UBOX5: variants seen among roughly 807,000 people sequenced by gnomAD.
The protein encoded by UBOX5 is U-box domain containing 5, also known as RING finger protein 37.
A neutral mutation model predicts 39.0 loss-of-function variants in UBOX5; 28 were observed. The ratio of observed to expected loss-of-function variants is 0.72; its 90% CI spans 0.53 to 0.98. The LOEUF is 0.98. Among genes scored for constraint, UBOX5 ranks in the 50% least tolerant of loss-of-function variants. The probability of loss-of-function intolerance (pLI) is 0.00; values close to 1 mark genes in which losing one functional copy is unlikely to be tolerated. For missense variants in UBOX5, 585 were observed against 674.4 expected, an observed-to-expected ratio of 0.87 and a Z score of 1.47; for synonymous variants, 283 against 275.5, an observed-to-expected ratio of 1.03 and a Z score of -0.27.
chr20:3,133,559 G>GA (rs145750022), intron 1 of UBOX5, among the ~76,000 whole-genome samples: 2,575 of 145,942 alleles, frequency 0.018, 22 homozygotes, highest in South Asian at 0.06. Context: ...CAGTTTATAA[G>GA]AAAAAAAAAA....
At chr20:3,137,587 A>G (rs923560183) in intron 1 of UBOX5, among the ~76,000 whole-genome samples, 4 of 152,188 alleles carry the variant, frequency 2.6e-5, no homozygotes, top group Non-Finnish European at 5.9e-5. Flanking sequence ...TTGCATAGCT[A>G]TACTAGAACT....
In UBOX5 at chr20:3,157,902, T is replaced by C. The variant is rs2066704003; in HGVS notation, c.-42+1864A>G. 2.6e-5 allele frequency among the ~76,000 whole-genome samples: 4 copies of C among 152,088 alleles called. 1 individual carries two copies. The South Asian group carries it at 8.3e-4, about 32-fold the overall frequency. On this transcript the variant is annotated intron_variant, in intron 1 of 4. Coordinates refer to ENST00000217173, the MANE Select transcript of UBOX5 (RefSeq NM_014948.4). ...TAAAGAAGGAGTTTCAGAATTCTTT[T>C]GTTTTTTTTTTCAGACAGGGTCTCG...
At chr20:3,151,962 A>T (rs941596784) in intron 1 of UBOX5, 2 of 151,650 alleles carry the variant, frequency 1.3e-5, no homozygotes, top group African/African-American at 4.8e-5. Context: ...AAAATTAGCC[A>T]GGTGTGGTGG....
At chr20:3,112,760 T>G (rs1464802256) in intron 4 of UBOX5, among the ~76,000 whole-genome samples, 1 of 151,632 alleles carries the variant, frequency 6.6e-6, no homozygotes, top group Non-Finnish European at 1.5e-5. Context: ...AGGTCAGGAG[T>G]TCGAGACCAG....
At chr20:3,159,216 G>A (rs1005340131) in intron 1 of UBOX5, among the ~76,000 whole-genome samples, 4 of 152,200 alleles carry the variant, frequency 2.6e-5, no homozygotes, top group African/African-American at 9.6e-5. Context: ...TAAAAATGGG[G>A]GGAAGGTATA....
rs114391394 is a variant in UBOX5, at chr20:3,110,852, A to G, written c.1418-538T>C. The G allele has an allele frequency of 1.9e-3, 320 of 167,602 alleles. 1 individual carries two copies. Among genetic ancestry groups the G allele is most frequent in the African/African-American group, 7.1e-3 (296 of 41,680 alleles). 10.4% of individuals were successfully genotyped at this position (167,602 alleles called of 1,614,324 possible). A position where few individuals can be genotyped will look rare whatever the true frequency, so the allele number is the denominator to read the frequency against. On this transcript the variant is annotated intron_variant, in intron 4 of 4. Coordinates refer to ENST00000217173, the MANE Select transcript of UBOX5 (RefSeq NM_014948.4). ...GTCTCTACAAAAAAGAAAAAAAAAA[A>G]AAAAGGAAAAGCAGCACATGGTCCA...
At chr20:3,128,920 T>C (rs2066409853) in intron 1 of UBOX5, among the ~76,000 whole-genome samples, 1 of 152,228 alleles carries the variant, frequency 6.6e-6, no homozygotes, top group Non-Finnish European at 1.5e-5. Flanking sequence ...TATTATGCTC[T>C]ATGATATAGA....
chr20:3,107,628 G>A lies in UBOX5; in HGVS notation c.*2478C>T, dbSNP rs2066221076. 1 of 152,202 alleles carries A rather than the reference G, an allele frequency of 6.6e-6. No homozygotes were observed. Among genetic ancestry groups the A allele is most frequent in the Admixed American group, 6.5e-5 (1 of 15,286 alleles). The allele number at this position is 152,202 out of a possible 1,614,324, so 9.4% of individuals were successfully genotyped here. On this transcript the variant is annotated 3_prime_UTR_variant, in exon 5 of 5. Coordinates refer to ENST00000217173, the MANE Select transcript of UBOX5 (RefSeq NM_014948.4). This position sits in a 1 kb window ranked among gnomAD's most constrained non-coding sequence, Gnocchi z 5.0. ...CTAGGGGACAGAAACAGAGCCCAGTGGTGCCTAGCATGTTTCTGGCAAGGG... is the reference window on the plus strand; with the variant it reads ...CTAGGGGACAGAAACAGAGCCCAGTAGTGCCTAGCATGTTTCTGGCAAGGG...
chr20:3,131,796 G>A (rs948954891), intron 1 of UBOX5, among the ~76,000 whole-genome samples: 4 of 151,988 alleles, frequency 2.6e-5, no homozygotes, highest in African/African-American at 9.7e-5. Flanking sequence ...AGCACTTGAG[G>A]TCAGGAGTTC....
rs529915945 is a variant in UBOX5, at chr20:3,109,807, C to G, written c.*299G>C. ...GGGGTATGCGGACTGCACGGGGGGG[C>G]CCTCAGCAGGGGTCTTCCTGCCTAG... On this transcript the variant is annotated 3_prime_UTR_variant, in exon 5 of 5. Coordinates refer to ENST00000217173, the MANE Select transcript of UBOX5 (RefSeq NM_014948.4). 453 of 458,940 alleles carry G rather than the reference C, an allele frequency of 9.9e-4. 2 individuals carry two copies. Among genetic ancestry groups the G allele is most frequent in the African/African-American group, 5.2e-3 (263 of 50,452 alleles). The allele number at this position is 458,940 out of a possible 1,614,324, so 28.4% of individuals were successfully genotyped here. A position where few individuals can be genotyped will look rare whatever the true frequency, so the allele number is the denominator to read the frequency against.
intron 3 of UBOX5, among the ~76,000 whole-genome samples, chr20:3,117,289 AC>A (rs2066301079): frequency 3.0e-4 from 2 of 6,658 alleles, no homozygotes; most frequent in Non-Finnish European, 6.8e-3. Context: ...CAAAGATGGC[AC>A]ACACACACAC....
chr20:3,124,035 T>C (rs2148596647), intron 1 of UBOX5, among the ~76,000 whole-genome samples: 1 of 152,104 alleles, frequency 6.6e-6, no homozygotes, highest in South Asian at 2.1e-4. Context: ...ACCCCATCTC[T>C]ACAACAAAAC....
chr20:3,121,938 C>T lies in UBOX5; in HGVS notation c.701G>A (p.Cys234Tyr), dbSNP rs1171261098. The change falls in exon 3 of 5, where the codon TGT becomes TAT. Residue 234 changes from cysteine to tyrosine, a missense_variant. Coordinates refer to ENST00000217173, the MANE Select transcript of UBOX5 (RefSeq NM_014948.4). ...QAPALPMESD[C>Y]DPGDQPESQQ... is the part of the protein sequence containing the mutation. ...GCTCTCAGGCTGGTCCCCAGGGTCA[C>T]AGTCACTTTCCATGGGCAAGGCTGG... 2.5e-6 allele frequency: 4 copies of T among 1,613,844 alleles called. No homozygotes were observed. The highest frequency in any genetic ancestry group is 2.5e-6 in the Non-Finnish European group (3 of 1,180,028).
chr20:3,115,236 C>G, intron 4 of UBOX5, 69 bp downstream of exon 4: 1 of 1,524,172 alleles, frequency 6.6e-7, no homozygotes, highest in Non-Finnish European at 8.8e-7. Flanking sequence ...GGGACTCGGC[C>G]CAGCATCCAG....
chr20:3,122,456 C>T lies in UBOX5; in HGVS notation c.183G>A (p.Val61=). The T allele has an allele frequency of 4.3e-6, 7 of 1,614,156 alleles. No individual in the cohort carries two copies. Among genetic ancestry groups the T allele is most frequent in the Non-Finnish European group, 5.9e-6 (7 of 1,180,034 alleles). ...VYVTVSFPFN[V]EICRINIDLT... is the part of the protein sequence containing the mutation. ...GGTCTATGTTGATCCTACAGATTTCCACATTAAAGGGAAATGAAACTGTCA... is the reference window on the plus strand; with the variant it reads ...GGTCTATGTTGATCCTACAGATTTCTACATTAAAGGGAAATGAAACTGTCA... The change falls in exon 3 of 5, where the codon GTG becomes GTA. Residue 61 remains valine (V), a synonymous_variant. Transcript: ENST00000217173.
At chr20:3,133,310 T>C (rs866784508) in intron 1 of UBOX5, among the ~76,000 whole-genome samples, 150 of 152,288 alleles carry the variant, frequency 9.8e-4, no homozygotes, top group African/African-American at 3.4e-3. Context: ...GCAAACAGCC[T>C]AGCCCAGAAA....
intron 3 of UBOX5, among the ~76,000 whole-genome samples, chr20:3,119,004 T>C (rs1269341970): frequency 1.3e-5 from 2 of 152,230 alleles, no homozygotes; most frequent in Non-Finnish European, 2.9e-5. Flanking sequence ...CACTGATCTG[T>C]GTTCTCGAAC....
chr20:3,157,878 AAAG>A (rs748630835), intron 1 of UBOX5, among the ~76,000 whole-genome samples: 4 of 152,184 alleles, frequency 2.6e-5, no homozygotes, highest in African/African-American at 7.2e-5. Context: ...TCAGACAAAT[AAAG>A]AAGGAGTTTC....
chr20:3,135,033 G>A (rs1007985630), intron 1 of UBOX5, among the ~76,000 whole-genome samples: 2 of 152,048 alleles, frequency 1.3e-5, no homozygotes, highest in African/African-American at 4.8e-5. Context: ...ATATGAAGGT[G>A]CAAATAGTAT....
Sources: gnomAD v4.1 joint callset for allele counts (sites outside exome capture counted in the v4.1 genomes callset) on GRCh38, gnomAD v4.1.1 for gene constraint, Gnocchi (gnomAD v3.1) non-coding constraint, MANE v1.5 for transcripts, NCBI Gene and HGNC (gene_info 2026-07-23, HGNC 2026-07-21) for gene names.